THOC1: variants seen among roughly 807,000 people sequenced by gnomAD.
The protein encoded by THOC1 is THO complex 1.
THOC1 carries 29 observed loss-of-function variants against 97.3 expected under a neutral mutation model. The observed-to-expected ratio is 0.30, with a 90% CI of 0.22 to 0.41. THOC1 has a LOEUF of 0.41. THOC1 is among the 10% of genes least tolerant of loss of function. The probability of loss-of-function intolerance (pLI) is 1.00; values close to 1 mark genes in which losing one functional copy is unlikely to be tolerated. For synonymous variants in THOC1, 255 were observed against 257.0 expected (o/e 0.99, Z 0.07); for missense variants, 529 against 761.9 (o/e 0.69, Z 3.60).
Position 254,847 on chromosome 18 carries a change from C to T in THOC1, c.521-492G>A, listed in dbSNP as rs1912388401. On this transcript the variant is annotated intron_variant, in intron 7 of 20. Transcript: ENST00000261600. This position sits in a 1 kb window ranked among gnomAD's most constrained non-coding sequence, Gnocchi z 4.1. ...TTTTTTTTTTTGAGACAGCGACTCA[C>T]TCCTGTCACCCAGGCTGCAGTGCAG... Among the ~76,000 whole-genome samples, 1 of 151,122 alleles carries T rather than the reference C, an allele frequency of 6.6e-6. No homozygotes were observed. Among genetic ancestry groups the T allele is most frequent in the South Asian group, 2.1e-4 (1 of 4,794 alleles).
intron 11 of THOC1, among the ~76,000 whole-genome samples, chr18:237,488 A>C (rs1248680259): frequency 6.6e-6 from 1 of 152,068 alleles, no homozygotes; most frequent in Non-Finnish European, 1.5e-5. Flanking sequence ...TAAATTGTTG[A>C]AAGGCACCAC....
At chr18:255,832 G>A (rs1170594505) in intron 7 of THOC1, among the ~76,000 whole-genome samples, 1 of 152,180 alleles carries the variant, frequency 6.6e-6, no homozygotes, top group African/African-American at 2.4e-5. Context: ...TTAAGTTGAA[G>A]CCAATGTTCA....
intron 17 of THOC1, 33 bp downstream of exon 17, chr18:223,391 CTCAACACTTGACAAAA>C (rs768489021): frequency 6.9e-7 from 1 of 1,447,664 alleles, no homozygotes; most frequent in Admixed American, 2.0e-5. Context: ...CTCCATTCTA[CTCAACACTTGACAAAA>C]GCAACACTTC....
Position 259,726 on chromosome 18 carries a change from G to A in THOC1, c.380C>T (p.Thr127Ile). ...GTAATTTTTCCCAGCAGAATAGAAT[G>A]TATTCTGAAATTAAGACGGAAATTA... ...EKNVATWKSN[T>I]FYSAGKNYLL... Residue 127 changes from threonine to isoleucine, a missense_variant, in exon 6 of 21, where the codon ACA becomes ATA. Transcript: ENST00000261600. The A allele has an allele frequency of 6.5e-7, 1 of 1,541,748 alleles. No homozygotes were observed. The highest frequency in any genetic ancestry group is 1.2e-5 in the South Asian group (1 of 81,336).
At chr18:244,165 C>T (rs1302391018) in intron 11 of THOC1, 2 of 152,046 alleles carry the variant, frequency 1.3e-5, no homozygotes, top group Non-Finnish European at 2.9e-5. Flanking sequence ...TTTCCCCTTC[C>T]ATATTATTAC....
intron 5 of THOC1, chr18:259,954 T>C (rs1292646172): frequency 7.6e-6 from 4 of 525,122 alleles, no homozygotes; most frequent in Non-Finnish European, 1.3e-5. Flanking sequence ...AAAGTGTGAA[T>C]TTTCAAGTTA....
intron 17 of THOC1, among the ~76,000 whole-genome samples, chr18:222,960 A>G (rs896947646): frequency 3.3e-5 from 5 of 149,906 alleles, no homozygotes; most frequent in African/African-American, 4.9e-5. Flanking sequence ...TGTTTGCTGG[A>G]CCTCCTCAAC....
chr18:216,570 G>C lies in THOC1; in HGVS notation c.1518C>G (p.His506Gln). The C allele has an allele frequency of 2.5e-6, 4 of 1,613,964 alleles. No homozygotes were observed. Among genetic ancestry groups the C allele is most frequent in the Non-Finnish European group, 3.4e-6 (4 of 1,179,878 alleles). The change falls in exon 19 of 21, where the codon CAC becomes CAG. Residue 506 changes from histidine (H) to glutamine (Q), a missense_variant. Transcript: ENST00000261600. ...ALRLLARRSPHFFQPTNQQFK... is the reference protein window; with the variant it reads ...ALRLLARRSPQFFQPTNQQFK... ...ACTGCTGGTTGGTTGGCTGGAAGAA[G>C]TGAGGGCTTCTCCGTGCTAATAGTC...
chr18:259,091 A>T, intron 7 of THOC1, 89 bp downstream of exon 7: 2 of 1,004,318 alleles, frequency 2.0e-6, no homozygotes, highest in Non-Finnish European at 3.0e-6. Context: ...TTTTAGAACC[A>T]TTTTTCTCAT....
chr18:224,928 C>G lies in THOC1; in HGVS notation c.1204G>C (p.Glu402Gln). The change falls in exon 15 of 21, where the codon GAA (glutamate) becomes CAA (glutamine). Residue 402 changes from glutamate to glutamine, a missense_variant. By Grantham distance (29) the Glu-to-Gln change is conservative. Around this residue, in one of 8 missense-constraint regions of THOC1, gnomAD observed 123 missense variants for 159.0 expected, o/e 0.77. Coordinates refer to ENST00000261600, the MANE Select transcript of THOC1 (RefSeq NM_005131.3). ...KNEGCPSFVKERTSDTKPTRI... is the reference protein window; with the variant it reads ...KNEGCPSFVKQRTSDTKPTRI... ...TTTCTTTCAGTATGTATTTACCTTT[C>G]TTTCACAAAACTTGGGCAACCTTCA... 1 of 1,569,022 alleles carries G rather than the reference C, an allele frequency of 6.4e-7. No individual in the cohort carries two copies. The highest frequency in any genetic ancestry group is 8.7e-7 in the Non-Finnish European group (1 of 1,154,834).
At position 252,570 on chromosome 18, in the gene THOC1, C is replaced by G. The variant is rs1165816026; in HGVS notation, c.646G>C (p.Glu216Gln). The G allele has an allele frequency of 6.2e-7, 1 of 1,609,572 alleles. No homozygotes were observed. Among genetic ancestry groups the G allele is most frequent in the Admixed American group, 1.7e-5 (1 of 58,816 alleles). The change falls in exon 9 of 21, where the codon GAA becomes CAA. Residue 216 changes from glutamate (E) to glutamine (Q), a missense_variant. Coordinates refer to ENST00000261600, the MANE Select transcript of THOC1 (RefSeq NM_005131.3). ...REEGMDVEEG[E>Q]MGDEEAPTTC... ...GTTGGAGCTTCCTCGTCTCCCATTTCGCCTTCTTCTACATCCATTCCTTCT... is the reference window on the plus strand; with the variant it reads ...GTTGGAGCTTCCTCGTCTCCCATTTGGCCTTCTTCTACATCCATTCCTTCT...
At chr18:229,899 ATTTTC>A (rs759355013) in intron 11 of THOC1, among the ~76,000 whole-genome samples, 3 of 151,476 alleles carry the variant, frequency 2.0e-5, no homozygotes, top group Non-Finnish European at 4.4e-5. Flanking sequence ...GGATTTCAGT[ATTTTC>A]TTCTCTTCTG....
rs146338519 is a variant in THOC1 at position 259,055 on chromosome 18, G to A, written c.520+125C>T. On this transcript the variant is annotated intron_variant, in intron 7 of 20. Transcript: ENST00000261600. ...ATTTATAAGTAAAAGAAAATAAAGT[G>A]ACAATTTCTATGATGTCTTTCAACT... 35 of 683,370 alleles carry A rather than the reference G, an allele frequency of 5.1e-5. No homozygotes were observed. In the African/African-American group the frequency reaches 5.9e-4, roughly 11 times the overall value. 42.3% of individuals were successfully genotyped at this position (683,370 alleles called of 1,614,324 possible).
In THOC1 at chr18:254,520, C is replaced by T. The variant is rs1016343033; in HGVS notation, c.521-165G>A. Among the ~76,000 whole-genome samples, 2 of 152,040 alleles carry T rather than the reference C, an allele frequency of 1.3e-5. No homozygotes were observed. The highest frequency in any genetic ancestry group is 2.1e-4 in the South Asian group (1 of 4,818). ...TTCAAAAATTCATTTCTTAAAAGTA[C>T]CTTTGGAGTATGGGCATACCTTGTT... On this transcript the variant is annotated intron_variant, in intron 7 of 20. Coordinates refer to ENST00000261600, the MANE Select transcript of THOC1 (RefSeq NM_005131.3). This position sits in a 1 kb window ranked among gnomAD's most constrained non-coding sequence, Gnocchi z 4.1.
At chr18:238,527 A>G (rs1050861658) in intron 11 of THOC1, among the ~76,000 whole-genome samples, 1 of 152,266 alleles carries the variant, frequency 6.6e-6, no homozygotes, top group East Asian at 1.9e-4. Context: ...GGTACAGCCT[A>G]TGGCTCCTGG....
At chr18:243,032 G>A (rs571871241) in intron 11 of THOC1, among the ~76,000 whole-genome samples, 8 of 152,308 alleles carry the variant, frequency 5.3e-5, no homozygotes, top group African/African-American at 1.9e-4. Flanking sequence ...AAAGAGGACT[G>A]TAAATTTAAG....
intron 11 of THOC1, among the ~76,000 whole-genome samples, chr18:230,489 C>T (rs914206709): frequency 1.3e-5 from 2 of 152,130 alleles, no homozygotes; most frequent in Non-Finnish European, 2.9e-5. Context: ...CAACAAAACA[C>T]TGAATCAGGG....
Position 246,431 on chromosome 18 carries a change from A to G in THOC1, c.811T>C (p.Phe271Leu). The G allele has an allele frequency of 2.5e-6, 4 of 1,573,112 alleles. No individual in the cohort carries two copies. The highest frequency in any genetic ancestry group is 3.5e-6 in the Non-Finnish European group (4 of 1,153,954). The change falls in exon 11 of 21, where the codon TTT becomes CTT. Residue 271 changes from phenylalanine (F) to leucine (L), a missense_variant. Physicochemically the swap from Phe to Leu is conservative, Grantham distance 22 (BLOSUM62 0). This residue lies in a region of THOC1 where 92 missense variants were observed against 127.0 expected (regional missense o/e 0.72). Coordinates refer to ENST00000261600, the MANE Select transcript of THOC1 (RefSeq NM_005131.3). ...LKYSEEVLAV[F>L]KSYKLDDTQA... ...GTATCATCTAATTTATAACTCTTAAAAACAGCTAAAACTTCTTCAGAATAC... is the reference window on the plus strand; with the variant it reads ...GTATCATCTAATTTATAACTCTTAAGAACAGCTAAAACTTCTTCAGAATAC...
chr18:263,959 G>A, intron 4 of THOC1, 67 bp downstream of exon 4: 1 of 1,216,110 alleles, frequency 8.2e-7, no homozygotes, highest in Non-Finnish European at 1.2e-6. Context: ...ATGGGGAGAA[G>A]ACGTTTTAAA....
Sources: allele counts gnomAD v4.1 joint callset (sites outside exome capture counted in the v4.1 genomes callset), GRCh38; gene constraint gnomAD v4.1.1; regional missense constraint gnomAD v4.1.1; non-coding constraint Gnocchi (gnomAD v3.1); transcripts MANE v1.5; gene names NCBI Gene and HGNC (gene_info 2026-07-23, HGNC 2026-07-21).